The following FANCC variants were observed in gnomAD, a reference collection of about 807,000 sequenced individuals.
The protein encoded by FANCC is FA complementation group C, also known as Fanconi anemia group C protein.
FANCC carries 55 observed loss-of-function variants against 71.3 expected under a neutral mutation model. The ratio of observed to expected loss-of-function variants is 0.77; its 90% CI spans 0.62 to 0.97. The LOEUF (loss-of-function observed/expected upper bound fraction) is 0.97. Among genes scored for constraint, FANCC ranks in the 50% least tolerant of loss-of-function variants. FANCC has a pLI of 0.00. For missense variants in FANCC, 678 were observed against 670.9 expected, an observed-to-expected ratio of 1.01 and a Z score of -0.12; for synonymous variants, 275 against 244.9, an observed-to-expected ratio of 1.12 and a Z score of -1.15.
At chr9:95,240,515 G>C in intron 4 of FANCC, 134 bp downstream of exon 4, 1 of 661,936 alleles carries the variant, frequency 1.5e-6, no homozygotes. Context: ...TAATGTAACA[G>C]TGAAGGGTAT....
intron 1 of FANCC, among the ~76,000 whole-genome samples, chr9:95,269,072 A>G (rs1054190847): frequency 2.0e-5 from 3 of 152,176 alleles, no homozygotes; most frequent in Admixed American, 2.0e-4. Flanking sequence ...TCTTTCTTTT[A>G]AAACTAGAAC....
At chr9:95,120,276 C>T (rs1043917051) in intron 10 of FANCC, among the ~76,000 whole-genome samples, 1 of 152,118 alleles carries the variant, frequency 6.6e-6, no homozygotes, top group Non-Finnish European at 1.5e-5. Context: ...CGTTCCTTTC[C>T]CCATTGAATT....
At chr9:95,143,001 C>T (rs145157048) in intron 7 of FANCC, among the ~76,000 whole-genome samples, 219 of 152,342 alleles carry the variant, frequency 1.4e-3, no homozygotes, top group Non-Finnish European at 2.3e-3. Flanking sequence ...ACTGCCCCCA[C>T]TTCAGATGCC....
At chr9:95,262,270 C>T (rs1301225169) in intron 1 of FANCC, among the ~76,000 whole-genome samples, 2 of 152,084 alleles carry the variant, frequency 1.3e-5, no homozygotes, top group Non-Finnish European at 2.9e-5. Flanking sequence ...ATGTACCTTA[C>T]AAGAATATGG....
chr9:95,243,849 A>G (rs532544057), intron 3 of FANCC, among the ~76,000 whole-genome samples: 2 of 152,326 alleles, frequency 1.3e-5, no homozygotes, highest in East Asian at 3.9e-4. Flanking sequence ...TTCCAGGAAG[A>G]AAGCGCCCAA....
In FANCC at chr9:95,304,307, A is replaced by T. The variant is rs1834942602; in HGVS notation, c.-79+13219T>A. 2.0e-5 allele frequency among the ~76,000 whole-genome samples: 3 copies of T among 152,238 alleles called. No homozygotes were observed. In the South Asian group the frequency reaches 6.2e-4, roughly 32 times the overall value. ...AGAGAAGGATGAATGACAGTGAAGG[A>T]AAATTCCAGGGCGACTGCAAAAAAG... On this transcript the variant is annotated intron_variant, in intron 1 of 14. Transcript: ENST00000289081.
chr9:95,108,491 T>TG (rs1488520133), intron 13 of FANCC, among the ~76,000 whole-genome samples: 2 of 152,226 alleles, frequency 1.3e-5, no homozygotes, highest in Admixed American at 6.5e-5. Flanking sequence ...ATCCCTAAGA[T>TG]GGGGTCTATC....
In FANCC at chr9:95,139,821, A is replaced by AATATATATATATTT. The variant is rs1309224943; in HGVS notation, c.687-4333_687-4320dup. ...CTGTATTGTTTGACCTGACAAAATG[A>AATATATATATATTT]ATATATATATATTTATATATATATA... On this transcript the variant is annotated intron_variant, in intron 7 of 14. Coordinates refer to ENST00000289081, the MANE Select transcript of FANCC (RefSeq NM_000136.3). Among the ~76,000 whole-genome samples, 6 of 145,874 alleles carry AATATATATATATTT rather than the reference A, an allele frequency of 4.1e-5. No individual in the cohort carries two copies. The East Asian group carries it at 1.2e-3, about 29-fold the overall frequency.
chr9:95,228,274 C>T (rs1051312215), intron 4 of FANCC, among the ~76,000 whole-genome samples: 2 of 152,140 alleles, frequency 1.3e-5, no homozygotes, highest in Non-Finnish European at 2.9e-5. Context: ...AGCACTATTG[C>T]CTCACACCAT....
intron 4 of FANCC, among the ~76,000 whole-genome samples, chr9:95,230,908 A>G (rs1483671830): frequency 1.3e-5 from 2 of 151,830 alleles, no homozygotes; most frequent in African/African-American, 2.4e-5. Flanking sequence ...AGCTAGACAT[A>G]GAGTGCTCAT....
intron 8 of FANCC, among the ~76,000 whole-genome samples, chr9:95,128,641 G>A (rs1396130665): frequency 1.3e-5 from 2 of 152,194 alleles, no homozygotes; most frequent in African/African-American, 4.8e-5. Flanking sequence ...TGAGAGCTTA[G>A]ATCTGCTCCT....
intron 6 of FANCC, among the ~76,000 whole-genome samples, chr9:95,155,257 G>GAGGGGAGGAA (rs1554839745): frequency 2.4e-3 from 16 of 6,738 alleles, no homozygotes; most frequent in South Asian, 8.8e-3. Flanking sequence ...GAGGGGAGGG[G>GAGGGGAGGAA]AGGGGAGGGG....
At chr9:95,114,846 A>G in intron 11 of FANCC, 136 bp from the exon 12 acceptor site, 1 of 750,884 alleles carries the variant, frequency 1.3e-6, no homozygotes, top group Non-Finnish European at 2.4e-6. Flanking sequence ...TACTGTTCTC[A>G]TGCTTTTCCC....
chr9:95,139,586 T>C (rs1312566843), intron 7 of FANCC, among the ~76,000 whole-genome samples: 2 of 151,960 alleles, frequency 1.3e-5, no homozygotes, highest in South Asian at 2.1e-4. Flanking sequence ...ATGAGCTGGA[T>C]CTGTGTCCTG....
chr9:95,107,599 C>T, intron 13 of FANCC: 1 of 438,396 alleles, frequency 2.3e-6, no homozygotes, highest in Non-Finnish European at 4.2e-6. Context: ...ACAAAAGGCT[C>T]CTTGAAGACT....
At chr9:95,316,251 A>G (rs950110893) in intron 1 of FANCC, among the ~76,000 whole-genome samples, 2 of 152,220 alleles carry the variant, frequency 1.3e-5, no homozygotes, top group Non-Finnish European at 2.9e-5. Flanking sequence ...CCTTTCTTGT[A>G]TATGAATAAT....
chr9:95,192,539 CG>C (rs1827180061), intron 4 of FANCC, among the ~76,000 whole-genome samples: 1 of 152,154 alleles, frequency 6.6e-6, no homozygotes, highest in African/African-American at 2.4e-5. Flanking sequence ...AGCTGTTCAA[CG>C]CAATTACGAA....
intron 8 of FANCC, among the ~76,000 whole-genome samples, chr9:95,134,485 C>T (rs1174301094): frequency 6.6e-6 from 1 of 152,108 alleles, no homozygotes. Context: ...TCTCCACTTG[C>T]AGGAAGCAGG....
chr9:95,198,479 T>C (rs1350241247), intron 4 of FANCC, among the ~76,000 whole-genome samples: 3 of 152,150 alleles, frequency 2.0e-5, no homozygotes, highest in Non-Finnish European at 4.4e-5. Flanking sequence ...TCTCTGAAAA[T>C]GTAATTACCC....
Sources: gnomAD v4.1 joint callset for allele counts (sites outside exome capture counted in the v4.1 genomes callset) on GRCh38, gnomAD v4.1.1 for gene constraint, MANE v1.5 for transcripts, NCBI Gene and HGNC (gene_info 2026-07-23, HGNC 2026-07-21) for gene names.